VPS13D: variants seen among roughly 807,000 people sequenced by gnomAD.
The protein encoded by VPS13D is intermembrane lipid transfer protein VPS13D.
A neutral mutation model predicts 461.9 loss-of-function variants in VPS13D; 187 were observed. That is an observed-to-expected ratio of 0.40 (90% CI 0.36 to 0.46). The LOEUF is 0.46. Ranked by LOEUF, VPS13D falls within the 20% of genes least tolerant of loss-of-function variation. The pLI is 0.60. For synonymous variants in VPS13D, 1,951 were observed against 1,986.3 expected, an observed-to-expected ratio of 0.98 and a Z score of 0.47; for missense variants, 4,711 against 5,364.9, an observed-to-expected ratio of 0.88 and a Z score of 3.81.
At chr1:12,472,627 G>C (rs148681083) in intron 67 of VPS13D, among the ~76,000 whole-genome samples, 1 of 152,170 alleles carries the variant, frequency 6.6e-6, no homozygotes, top group African/African-American at 2.4e-5. Context: ...TTATCCTTTT[G>C]GATTTGTGCC....
At chr1:12,246,250 G>C (rs1640547786) in intron 5 of VPS13D, among the ~76,000 whole-genome samples, 1 of 152,186 alleles carries the variant, frequency 6.6e-6, no homozygotes, top group South Asian at 2.1e-4. Context: ...CTGGGAGATT[G>C]AGCCTTACCC....
intron 65 of VPS13D, among the ~76,000 whole-genome samples, chr1:12,427,659 A>G (rs1028845510): frequency 6.6e-6 from 1 of 152,198 alleles, no homozygotes; most frequent in Non-Finnish European, 1.5e-5. Context: ...TAGGTTGTAT[A>G]CAAATACCAC....
intron 68 of VPS13D, chr1:12,500,040 T>C (rs556175702): frequency 8.1e-6 from 8 of 985,326 alleles, no homozygotes; most frequent in Non-Finnish European, 9.6e-6. Flanking sequence ...TCCACATTTT[T>C]TTCCAGTTAG....
rs1643048024 is a variant in VPS13D at position 12,321,909 on chromosome 1, A to G, written c.7649A>G (p.Asn2550Ser). ...TTGGTGGGGAATTCTTCTTATCAAA[A>G]TAGTTCAGGATTGATGGATGCATTC... ...MELVGNSSYQ[N>S]SSGLMDAFNS... The change falls in exon 33 of 70, where the codon AAT (asparagine) becomes AGT (serine). Residue 2550 changes from asparagine (N) to serine (S), a missense_variant. By Grantham distance (46) the Asn-to-Ser change is conservative. This residue lies in a region of VPS13D where 4,411 missense variants were observed against 4,937.8 expected (regional missense o/e 0.89). Transcript: ENST00000620676. The G allele has an allele frequency of 4.3e-6, 7 of 1,613,636 alleles. No homozygotes were observed. The highest frequency in any genetic ancestry group is 5.9e-6 in the Non-Finnish European group (7 of 1,179,890).
intron 1 of VPS13D, among the ~76,000 whole-genome samples, chr1:12,233,015 T>C (rs1169712528): frequency 6.6e-6 from 1 of 151,596 alleles, no homozygotes; most frequent in Non-Finnish European, 1.5e-5. Flanking sequence ...TCTTTTTCTT[T>C]TTTTTTTTGA....
In VPS13D at chr1:12,308,649, T is replaced by G. The variant is rs1163938701; in HGVS notation, c.6650+8T>G. 1.2e-5 allele frequency: 5 copies of G among 415,510 alleles called. No individual in the cohort carries two copies. The highest frequency in any genetic ancestry group is 6.6e-5 in the South Asian group (2 of 30,284). 25.7% of individuals were successfully genotyped at this position (415,510 alleles called of 1,614,324 possible). A position where few individuals can be genotyped will look rare whatever the true frequency, so the allele number is the denominator to read the frequency against. On this transcript the variant is annotated splice_region_variant and intron_variant, in intron 27 of 69. Coordinates refer to ENST00000620676, the MANE Select transcript of VPS13D (RefSeq NM_015378.4). ...GGAAAGGAATTTGGACAAGTGAGTGTTTTTTTTTTTTTTTGAGATGGAGTC... is the reference window on the plus strand; with the variant it reads ...GGAAAGGAATTTGGACAAGTGAGTGGTTTTTTTTTTTTTTGAGATGGAGTC...
intron 60 of VPS13D, among the ~76,000 whole-genome samples, chr1:12,388,456 C>T (rs896343381): frequency 6.6e-6 from 1 of 151,898 alleles, no homozygotes; most frequent in African/African-American, 2.4e-5. Flanking sequence ...CACCTGTAAT[C>T]CCAGTTACTC....
chr1:12,256,891 C>A (rs1640940932), intron 8 of VPS13D, 96 bp from the exon 9 acceptor site: 12 of 1,296,978 alleles, frequency 9.3e-6, no homozygotes, highest in Middle Eastern at 1.9e-4. Context: ...TTCAGTGGAT[C>A]AACTAATGTG....
chr1:12,504,097 G>C (rs1382148288), intron 68 of VPS13D, among the ~76,000 whole-genome samples: 1 of 152,106 alleles, frequency 6.6e-6, no homozygotes, highest in Non-Finnish European at 1.5e-5. Context: ...TAAGGGGTCT[G>C]GTCTGGAGCT....
intron 62 of VPS13D, chr1:12,402,770 G>A (rs529236727): frequency 2.0e-5 from 3 of 152,290 alleles, no homozygotes; most frequent in Non-Finnish European, 2.9e-5. Flanking sequence ...TGCTTTTCTT[G>A]TAAATTTTCT....
intron 44 of VPS13D, among the ~76,000 whole-genome samples, 161 bp from the exon 45 acceptor site, chr1:12,348,662 C>T (rs926343900): frequency 6.6e-6 from 1 of 152,028 alleles, no homozygotes; most frequent in African/African-American, 2.4e-5. Flanking sequence ...AGGATGTTTA[C>T]TCCCTTTAAA....
intron 65 of VPS13D, among the ~76,000 whole-genome samples, chr1:12,444,402 G>T (rs1416128412): frequency 6.6e-6 from 1 of 152,052 alleles, no homozygotes; most frequent in Non-Finnish European, 1.5e-5. Flanking sequence ...TCTTGAATTT[G>T]CAGTGAAGTC....
chr1:12,256,944 C>G, intron 8 of VPS13D, 43 bp from the exon 9 acceptor site: 2 of 1,597,288 alleles, frequency 1.3e-6, no homozygotes, highest in Non-Finnish European at 1.7e-6. Flanking sequence ...GTAAAAGAAA[C>G]AAACCTATTC....
intron 3 of VPS13D, 135 bp downstream of exon 3, chr1:12,242,725 C>A (rs1049181148): frequency 2.7e-6 from 2 of 754,362 alleles, no homozygotes; most frequent in Admixed American, 2.7e-5. Flanking sequence ...TTAGGCCAGT[C>A]TTAAAGTGTG....
intron 49 of VPS13D, among the ~76,000 whole-genome samples, chr1:12,357,659 T>C (rs1346546596): frequency 1.3e-5 from 2 of 152,334 alleles, no homozygotes; most frequent in South Asian, 2.1e-4. Context: ...TCAGGAATTA[T>C]GTTGTCGAAA....
chr1:12,323,472 C>A lies in VPS13D; in HGVS notation c.7916-234C>A, dbSNP rs141579061. ...AGATGCGAAATAGACCTTCCCCCCC[C>A]ACCCCAATTCCTGGCCAGGACACCA... On this transcript the variant is annotated intron_variant, in intron 34 of 69. Transcript: ENST00000620676. 7.7e-3 allele frequency among the ~76,000 whole-genome samples: 1,178 copies of A among 152,126 alleles called. 7 individuals are homozygous for A. The highest frequency in any genetic ancestry group is 0.012 in the Admixed American group (189 of 15,284).
chr1:12,260,014 A>ATT (rs1641054749), intron 10 of VPS13D, among the ~76,000 whole-genome samples: 2 of 95,350 alleles, frequency 2.1e-5, no homozygotes, highest in South Asian at 3.6e-4. Flanking sequence ...TGCTTTAGTG[A>ATT]CTTTTTTTTT....
In VPS13D at chr1:12,509,070, C is replaced by T. The variant is rs1646151978; in HGVS notation, c.*46C>T. On this transcript the variant is annotated 3_prime_UTR_variant, in exon 70 of 70. Coordinates refer to ENST00000620676, the MANE Select transcript of VPS13D (RefSeq NM_015378.4). ...CGCTCCCGACACAGCGCAGACCCAC[C>T]AGGAGGAAAGAGGCCCAGCTCTCAG... 1.9e-6 allele frequency: 3 copies of T among 1,591,724 alleles called. No homozygotes were observed. In the Admixed American group the frequency reaches 5.3e-5, roughly 28 times the overall value.
chr1:12,352,735 T>TG (rs1326273081), intron 46 of VPS13D, among the ~76,000 whole-genome samples: 1 of 151,560 alleles, frequency 6.6e-6, no homozygotes, highest in Non-Finnish European at 1.5e-5. Flanking sequence ...GAGGCCAAGG[T>TG]GGGGGATCAC....
Sources: allele counts gnomAD v4.1 joint callset (sites outside exome capture counted in the v4.1 genomes callset), GRCh38; gene constraint gnomAD v4.1.1; regional missense constraint gnomAD v4.1.1; transcripts MANE v1.5; gene names NCBI Gene and HGNC (gene_info 2026-07-23, HGNC 2026-07-21).